Variants in SLF1 observed in about 807,000 individuals in gnomAD.
The protein encoded by SLF1 is SMC5-SMC6 complex localization factor protein 1.
Under a neutral mutation model 123.0 loss-of-function variants are expected in SLF1, and 105 were observed. The observed-to-expected ratio is 0.85, with a 90% CI of 0.73 to 1.00. The LOEUF is 1.00. Ranked by LOEUF, SLF1 falls within the 50% of genes least tolerant of loss-of-function variation. The pLI is 0.00. For synonymous variants in SLF1, 434 were observed against 406.6 expected (o/e 1.07, Z -0.81); for missense variants, 1,239 against 1,223.0 (o/e 1.01, Z -0.20).
chr5:94,660,360 C>T (rs1018951264), intron 9 of SLF1, among the ~76,000 whole-genome samples: 1 of 152,174 alleles, frequency 6.6e-6, no homozygotes, highest in Non-Finnish European at 1.5e-5. Flanking sequence ...GTGCCTGTTG[C>T]AGTAGGCCAG....
intron 14 of SLF1, among the ~76,000 whole-genome samples, chr5:94,674,569 A>G (rs776321858): frequency 5.9e-5 from 9 of 152,214 alleles, no homozygotes; most frequent in Admixed American, 1.3e-4. Flanking sequence ...AATTCCATGC[A>G]TGTTCACAGA....
At chr5:94,659,441 G>A (rs1297985173) in intron 9 of SLF1, among the ~76,000 whole-genome samples, 1 of 152,070 alleles carries the variant, frequency 6.6e-6, no homozygotes, top group African/African-American at 2.4e-5. Context: ...TGCTATCTGT[G>A]TATCTGGTGT....
rs780092303 is a variant in SLF1 at position 94,686,609 on chromosome 5, C to T, written c.2012C>T (p.Ser671Phe). 5.6e-6 allele frequency: 9 copies of T among 1,613,846 alleles called. No individual in the cohort carries two copies. The highest frequency in any genetic ancestry group is 4.0e-5 in the African/African-American group (3 of 74,914). ...CAGGAATTAGAGATTTTCATTTGCT[C>T]CTTTTCCTCCTCCTGGCTTCAAATG... ...SSQELEIFIC[S>F]FSSSWLQMFV... Residue 671 changes from serine to phenylalanine, a missense_variant, in exon 16 of 21, where the codon TCC (serine) becomes TTC (phenylalanine). Ser to Phe is a radical substitution (Grantham distance 155). Coordinates refer to ENST00000265140, the MANE Select transcript of SLF1 (RefSeq NM_032290.4).
rs143521444 is a variant in SLF1, at chr5:94,651,609, C to A, written c.739-93C>A. ...ATGTATATTTTACAAAATCTATGTT[C>A]CTGGATGGGTTTTTCTTTTGTGACT... On this transcript the variant is annotated intron_variant, in intron 6 of 20. Coordinates refer to ENST00000265140, the MANE Select transcript of SLF1 (RefSeq NM_032290.4). 3.6e-4 allele frequency: 376 copies of A among 1,030,506 alleles called. No homozygotes were observed. In the African/African-American group the frequency reaches 5.8e-3, roughly 16 times the overall value. 63.8% of individuals were successfully genotyped at this position (1,030,506 alleles called of 1,614,324 possible).
At chr5:94,676,661 C>G (rs968477397) in intron 14 of SLF1, among the ~76,000 whole-genome samples, 16 of 152,254 alleles carry the variant, frequency 1.1e-4, no homozygotes, top group African/African-American at 3.9e-4. Context: ...TAATGTCTAG[C>G]CCTACACGAA....
intron 9 of SLF1, among the ~76,000 whole-genome samples, chr5:94,657,458 C>T (rs770644446): frequency 1.3e-5 from 2 of 151,868 alleles, no homozygotes; most frequent in Non-Finnish European, 2.9e-5. Context: ...GTTGTGTGGC[C>T]TAATGTCTGT....
intron 1 of SLF1, among the ~76,000 whole-genome samples, chr5:94,627,619 T>TAC (rs1261627669): frequency 2.9e-5 from 4 of 136,962 alleles, no homozygotes; most frequent in African/African-American, 8.2e-5. Context: ...TATATATATA[T>TAC]AGCAAAGTTA....
At position 94,643,340 on chromosome 5, in the gene SLF1, A is replaced by C; in HGVS notation, c.499A>C (p.Ile167Leu). 1 of 1,545,688 alleles carries C rather than the reference A, an allele frequency of 6.5e-7. No homozygotes were observed. Residue 167 changes from isoleucine (I) to leucine (L), a missense_variant, in exon 5 of 21, where the codon ATT becomes CTT. Transcript: ENST00000265140. Reference protein sequence around the residue: ...KSSPSGITHVIASNARIKAEK... With the variant: ...KSSPSGITHVLASNARIKAEK... ...TTCACCAAGTGGAATAACTCATGTGATTGCCAGTAATGCAAGAATTAAAGC... is the reference window on the plus strand; with the variant it reads ...TTCACCAAGTGGAATAACTCATGTGCTTGCCAGTAATGCAAGAATTAAAGC...
At chr5:94,680,821 G>T (rs1375258984) in intron 15 of SLF1, among the ~76,000 whole-genome samples, 1 of 152,084 alleles carries the variant, frequency 6.6e-6, no homozygotes, top group East Asian at 1.9e-4. Context: ...GTTATTTTCA[G>T]TTTTCACATG....
intron 7 of SLF1, among the ~76,000 whole-genome samples, chr5:94,652,624 A>G (rs996352565): frequency 5.3e-5 from 8 of 152,136 alleles, no homozygotes; most frequent in East Asian, 1.9e-4. Context: ...AGTTTTTGCA[A>G]TTATGAACAA....
intron 15 of SLF1, among the ~76,000 whole-genome samples, chr5:94,680,293 C>T (rs1252073888): frequency 6.6e-6 from 1 of 152,098 alleles, no homozygotes; most frequent in Non-Finnish European, 1.5e-5. Flanking sequence ...AGCATTTTAT[C>T]TCTTTTATTT....
chr5:94,687,971 T>A (rs1021054922), intron 16 of SLF1, among the ~76,000 whole-genome samples: 1 of 150,258 alleles, frequency 6.7e-6, no homozygotes, highest in Non-Finnish European at 1.5e-5. Flanking sequence ...ATAATAATTA[T>A]TTATTATTAT....
chr5:94,629,015 T>C lies in SLF1; in HGVS notation c.115-77T>C, dbSNP rs1191305015. On this transcript the variant is annotated intron_variant, in intron 2 of 20. Transcript: ENST00000265140. The stretch of plus-strand genomic sequence containing the variant: ...AGAATGATAAAATGCCTTCTTGATA[T>C]TGTAGCAATAAAAAGGATGTGTCAT... 10 of 1,403,402 alleles carry C rather than the reference T, an allele frequency of 7.1e-6. No individual in the cohort carries two copies. The Admixed American group carries it at 9.2e-5, about 13-fold the overall frequency. 86.9% of individuals were successfully genotyped at this position (1,403,402 alleles called of 1,614,324 possible). A position where few individuals can be genotyped will look rare whatever the true frequency, so the allele number is the denominator to read the frequency against.
chr5:94,632,507 T>G (rs1262931691), intron 4 of SLF1, among the ~76,000 whole-genome samples: 1 of 152,204 alleles, frequency 6.6e-6, no homozygotes, highest in Non-Finnish European at 1.5e-5. Flanking sequence ...GAACTATGTA[T>G]TCTCCGCTTG....
At chr5:94,638,368 A>G (rs78058424) in intron 4 of SLF1, among the ~76,000 whole-genome samples, 33,806 of 151,674 alleles carry the variant, frequency 0.22, 3,903 homozygotes, top group East Asian at 0.34. Flanking sequence ...TTTAGTAGGG[A>G]CAGAGTTTCA....
chr5:94,650,362 ATT>A (rs10603196), intron 6 of SLF1, among the ~76,000 whole-genome samples: 273 of 128,960 alleles, frequency 2.1e-3, no homozygotes, highest in Middle Eastern at 3.8e-3. Flanking sequence ...AATTTGGAAC[ATT>A]TTTTTTTTTT....
chr5:94,658,009 A>G (rs1015279188), intron 9 of SLF1, among the ~76,000 whole-genome samples: 1 of 152,042 alleles, frequency 6.6e-6, no homozygotes, highest in Non-Finnish European at 1.5e-5. Context: ...GCCAGTCTAT[A>G]TCTTTTATGT....
chr5:94,660,684 C>G (rs527906656), intron 9 of SLF1, among the ~76,000 whole-genome samples: 50 of 152,248 alleles, frequency 3.3e-4, no homozygotes, highest in South Asian at 8.3e-4. Context: ...ATCTGTAAGC[C>G]CTGGGACAAC....
chr5:94,688,792 A>C, intron 17 of SLF1, 123 bp downstream of exon 17: 2 of 1,028,666 alleles, frequency 1.9e-6, no homozygotes, highest in Admixed American at 2.9e-5. Context: ...ATCAAAACTC[A>C]ATTTTAGATC....
Sources: gnomAD v4.1 joint callset for allele counts (sites outside exome capture counted in the v4.1 genomes callset) on GRCh38, gnomAD v4.1.1 for gene constraint, MANE v1.5 for transcripts, NCBI Gene and HGNC (gene_info 2026-07-23, HGNC 2026-07-21) for gene names.